The following LARGE1 variants were observed in gnomAD, a reference collection of about 807,000 sequenced individuals.
LARGE1 encodes LARGE xylosyl- and glucuronyltransferase 1.
A neutral mutation model predicts 87.6 loss-of-function variants in LARGE1; 43 were observed. That is an observed-to-expected ratio of 0.49 (90% CI 0.38 to 0.63). LARGE1 has a LOEUF of 0.63. LARGE1 is among the 30% of genes least tolerant of loss of function. LARGE1 has a pLI of 0.00. For synonymous variants in LARGE1, 434 were observed against 394.6 expected (o/e 1.10, Z -1.18); for missense variants, 802 against 1,000.2 (o/e 0.80, Z 2.67).
At chr22:33,564,826 A>C in intron 6 of LARGE1, 22 bp downstream of exon 6, 1 of 1,613,932 alleles carries the variant, frequency 6.2e-7, no homozygotes, top group East Asian at 2.2e-5. Flanking sequence ...TATCGGGGAA[A>C]AAACGAATGG....
At chr22:33,695,229 G>A (rs1445088618) in intron 2 of LARGE1, among the ~76,000 whole-genome samples, 7 of 150,638 alleles carry the variant, frequency 4.6e-5, no homozygotes, top group Non-Finnish European at 8.9e-5. Flanking sequence ...TCAGCCTCCC[G>A]AGAAGCTAGG....
In LARGE1 at chr22:33,215,785, G is replaced by C. The variant is rs184953563; in HGVS notation, c.1731-48953C>G. ...CAGCTGGCCAACATGTCGAAATCCC[G>C]TCTCTACTAAAAATACAAAGATTAG... is the stretch of plus-strand genomic sequence containing the variant. On this transcript the variant is annotated intron_variant, in intron 11 of 11. Transcript: ENST00000608642. Among the ~76,000 whole-genome samples the C allele has an allele frequency of 5.3e-5, 8 of 152,226 alleles. No individual in the cohort carries two copies. The East Asian group carries it at 1.5e-3, about 29-fold the overall frequency.
At chr22:33,463,494 G>C (rs759856187) in intron 6 of LARGE1, among the ~76,000 whole-genome samples, 18 of 152,028 alleles carry the variant, frequency 1.2e-4, no homozygotes, top group Non-Finnish European at 1.9e-4. Flanking sequence ...TTTATAGATA[G>C]GAAGATTCAT....
At chr22:33,106,470 A>G in the LARGE1 span, among the ~76,000 whole-genome samples, 1 of 151,964 alleles carries the variant, frequency 6.6e-6, no homozygotes, top group Non-Finnish European at 1.5e-5. Flanking sequence ...TTGGTACAAA[A>G]GTAATTGCAG....
chr22:33,690,695 A>G lies in LARGE1; in HGVS notation c.107-40027T>C, dbSNP rs552344314. Among the ~76,000 whole-genome samples the G allele has an allele frequency of 2.0e-5, 3 of 148,166 alleles. No individual in the cohort carries two copies. In the South Asian group the frequency reaches 6.3e-4, roughly 31 times the overall value. ...GAAAAAAAAAAAAAAAGGAATGGTA[A>G]GAGAAATCCCGAGGCCCACTTGACA... On this transcript the variant is annotated intron_variant, in intron 2 of 14. Transcript: ENST00000397394.
chr22:33,484,952 C>G (rs1397155925), intron 6 of LARGE1, among the ~76,000 whole-genome samples: 2 of 145,786 alleles, frequency 1.4e-5, no homozygotes, highest in East Asian at 4.0e-4. Flanking sequence ...CGCTCTGTTG[C>G]CCAGGCTGGA....
chr22:33,630,015 T>C (rs1343119049), intron 3 of LARGE1, among the ~76,000 whole-genome samples: 1 of 152,146 alleles, frequency 6.6e-6, no homozygotes, highest in Non-Finnish European at 1.5e-5. Flanking sequence ...CTGGCTAACA[T>C]GGTGAAACCC....
chr22:33,475,724 A>G (rs935528028), intron 6 of LARGE1, among the ~76,000 whole-genome samples: 1 of 152,096 alleles, frequency 6.6e-6, no homozygotes, highest in Non-Finnish European at 1.5e-5. Context: ...TCAGCCTCCC[A>G]AAGTGTTGGG....
intron 4 of LARGE1, among the ~76,000 whole-genome samples, chr22:33,604,827 T>C (rs1358529004): frequency 1.3e-5 from 2 of 152,160 alleles, no homozygotes; most frequent in African/African-American, 2.4e-5. Context: ...CCAAACGCCA[T>C]ACCTGTTATT....
intron 11 of LARGE1, among the ~76,000 whole-genome samples, chr22:33,261,283 G>A (rs1337522530): frequency 6.6e-6 from 1 of 152,092 alleles, no homozygotes; most frequent in Non-Finnish European, 1.5e-5. Flanking sequence ...TCATGGTTTC[G>A]CTTTGTTTAT....
chr22:33,740,965 G>A (rs1307324773), intron 2 of LARGE1, among the ~76,000 whole-genome samples: 1 of 152,212 alleles, frequency 6.6e-6, no homozygotes, highest in Non-Finnish European at 1.5e-5. Flanking sequence ...AGGCATGGAA[G>A]AATCCCAGAA....
At chr22:33,329,091 C>A (rs1569061255) in intron 10 of LARGE1, among the ~76,000 whole-genome samples, 1 of 152,170 alleles carries the variant, frequency 6.6e-6, no homozygotes, top group African/African-American at 2.4e-5. Flanking sequence ...ATGACTAATA[C>A]CTATCGTAGG....
chr22:33,102,975 T>C, the LARGE1 span, among the ~76,000 whole-genome samples: 1 of 152,024 alleles, frequency 6.6e-6, no homozygotes, highest in African/African-American at 2.4e-5. Flanking sequence ...GAAAGGATCT[T>C]GGAGGTTGTG....
At chr22:33,632,056 T>C (rs879269612) in intron 3 of LARGE1, among the ~76,000 whole-genome samples, 1 of 152,200 alleles carries the variant, frequency 6.6e-6, no homozygotes, top group Non-Finnish European at 1.5e-5. Flanking sequence ...TGGAATGATG[T>C]TCTCGTTTGC....
At chr22:33,363,908 G>A (rs2064479392) in intron 9 of LARGE1, among the ~76,000 whole-genome samples, 1 of 149,218 alleles carries the variant, frequency 6.7e-6, no homozygotes, top group African/African-American at 2.5e-5. Flanking sequence ...TTCACCTCCC[G>A]GGTGGGACTG....
At chr22:33,709,554 T>C (rs1384819111) in intron 2 of LARGE1, among the ~76,000 whole-genome samples, 1 of 152,080 alleles carries the variant, frequency 6.6e-6, no homozygotes, top group Admixed American at 6.6e-5. Context: ...TCATAACTCA[T>C]TCTCCTCTAT....
chr22:33,618,719 A>G (rs949840582), intron 4 of LARGE1, among the ~76,000 whole-genome samples: 22 of 152,224 alleles, frequency 1.4e-4, no homozygotes. Flanking sequence ...AAGGCAGACA[A>G]ATGCCTAGGC....
intron 9 of LARGE1, among the ~76,000 whole-genome samples, chr22:33,369,620 G>A (rs978017831): frequency 2.6e-5 from 4 of 151,976 alleles, no homozygotes; most frequent in African/African-American, 7.3e-5. Flanking sequence ...ACTGGAGTGC[G>A]GTGGCACGAT....
chr22:33,333,947 T>A (rs146956998), intron 10 of LARGE1, among the ~76,000 whole-genome samples: 1 of 150,288 alleles, frequency 6.7e-6, no homozygotes, highest in Admixed American at 6.7e-5. Flanking sequence ...AGCGAAAACC[T>A]GTCTCTACTA....
Sources: gnomAD v4.1 joint callset for allele counts (sites outside exome capture counted in the v4.1 genomes callset) on GRCh38, gnomAD v4.1.1 for gene constraint, MANE v1.5 for transcripts, NCBI Gene and HGNC (gene_info 2026-07-23, HGNC 2026-07-21) for gene names.